FTCDNL1: variants seen among roughly 807,000 people sequenced by gnomAD.
The protein encoded by FTCDNL1 is formiminotransferase cyclodeaminase N-terminal like.
A neutral mutation model predicts 5.9 loss-of-function variants in FTCDNL1; 11 were observed. The observed-to-expected ratio is 1.87, with a 90% CI of 1.18 to 3.10. The LOEUF is 3.10. Ranked by LOEUF, FTCDNL1 falls within the 30% of genes most tolerant of loss-of-function variation. The probability of loss-of-function intolerance (pLI) is 0.00; values close to 1 mark genes in which losing one functional copy is unlikely to be tolerated. For synonymous variants in FTCDNL1, 58 were observed against 24.8 expected (o/e 2.34, Z -3.99); for missense variants, 115 against 65.5 (o/e 1.76, Z -2.61).
intron 4 of FTCDNL1, among the ~76,000 whole-genome samples, chr2:199,814,042 A>G (rs1701206323): frequency 6.6e-6 from 1 of 152,140 alleles, no homozygotes; most frequent in South Asian, 2.1e-4. Context: ...CCTAGCCTAA[A>G]TGTGGACTTT....
At chr2:199,705,180 C>T in the FTCDNL1 span, among the ~76,000 whole-genome samples, 193 of 152,178 alleles carry the variant, frequency 1.3e-3, 1 homozygote, top group African/African-American at 4.5e-3. Context: ...TGTTGATAGA[C>T]TAGATATGTG....
At chr2:199,676,587 C>T in the FTCDNL1 span, among the ~76,000 whole-genome samples, 1 of 151,584 alleles carries the variant, frequency 6.6e-6, no homozygotes, top group African/African-American at 2.4e-5. Context: ...ATATATATAA[C>T]AAAACATGCA....
chr2:199,765,135 G>T (rs963932743), intron 3 of FTCDNL1, among the ~76,000 whole-genome samples: 1 of 152,082 alleles, frequency 6.6e-6, no homozygotes, highest in Non-Finnish European at 1.5e-5. Flanking sequence ...TGATTTTTAG[G>T]TAAGTAAAAC....
chr2:199,742,165 T>A, the FTCDNL1 span, among the ~76,000 whole-genome samples: 1 of 152,252 alleles, frequency 6.6e-6, no homozygotes, highest in African/African-American at 2.4e-5. Flanking sequence ...TGTGTTCATC[T>A]GATCCCCTCC....
chr2:199,800,863 C>CA (rs1307867119), intron 3 of FTCDNL1, among the ~76,000 whole-genome samples: 1 of 152,098 alleles, frequency 6.6e-6, no homozygotes, highest in Non-Finnish European at 1.5e-5. Context: ...ATGATTATCA[C>CA]AAAAAATGAA....
In FTCDNL1 at chr2:199,829,269, A is replaced by G. The variant is rs1365336213; in HGVS notation, c.212-9512T>C. On this transcript the variant is annotated intron_variant, in intron 3 of 4. Coordinates refer to ENST00000420128, the MANE Select transcript of FTCDNL1 (RefSeq NM_001363886.2). The stretch of plus-strand genomic sequence containing the variant: ...TGCCCTTCCCAATTTCTCTGGTCGT[A>G]TTCTAAAAGGGTTGATTTAAGGAAA... Among the ~76,000 whole-genome samples the G allele has an allele frequency of 2.6e-5, 4 of 152,242 alleles. No individual in the cohort carries two copies. In the East Asian group the frequency reaches 7.7e-4, roughly 29 times the overall value.
intron 4 of FTCDNL1, among the ~76,000 whole-genome samples, chr2:199,817,830 GA>G (rs1377545306): frequency 6.6e-6 from 1 of 151,898 alleles, no homozygotes; most frequent in Non-Finnish European, 1.5e-5. Flanking sequence ...AATAGATAAT[GA>G]TGAGGCAGAG....
In FTCDNL1 at chr2:199,796,099, A is replaced by G. The variant is rs562127668; in HGVS notation, c.212-35264T>C. Among the ~76,000 whole-genome samples, 21 of 152,298 alleles carry G rather than the reference A, an allele frequency of 1.4e-4. No individual in the cohort carries two copies. In the South Asian group the frequency reaches 4.4e-3, roughly 32 times the overall value. Reference sequence around the variant, plus strand: ...GATACCAACTATGTCTTCTAGAGATATATGTTATTGAAAAAAATACAATAG... The same window carrying G: ...GATACCAACTATGTCTTCTAGAGATGTATGTTATTGAAAAAAATACAATAG... On this transcript the variant is annotated intron_variant, in intron 3 of 3. Transcript: ENST00000416668.
the FTCDNL1 span, among the ~76,000 whole-genome samples, chr2:199,752,627 A>G: frequency 1.3e-5 from 2 of 152,086 alleles, no homozygotes; most frequent in Non-Finnish European, 2.9e-5. Context: ...AACCTGCAGA[A>G]TTTGGACTTG....
At chr2:199,799,113 T>C (rs1291564538) in intron 3 of FTCDNL1, among the ~76,000 whole-genome samples, 1 of 152,148 alleles carries the variant, frequency 6.6e-6, no homozygotes, top group Non-Finnish European at 1.5e-5. Context: ...TTGGCCCCTT[T>C]CCAATGGCAG....
At chr2:199,753,567 G>A in the FTCDNL1 span, among the ~76,000 whole-genome samples, 1 of 152,196 alleles carries the variant, frequency 6.6e-6, no homozygotes, top group Admixed American at 6.5e-5. Context: ...ATACACATGG[G>A]GAGCCCAATG....
chr2:199,748,900 C>G, the FTCDNL1 span, among the ~76,000 whole-genome samples: 5 of 152,150 alleles, frequency 3.3e-5, no homozygotes, highest in Admixed American at 6.5e-5. Context: ...CTGCCCCCTT[C>G]CTGCTCACCT....
intron 3 of FTCDNL1, among the ~76,000 whole-genome samples, chr2:199,836,296 C>G (rs747745877): frequency 2.6e-5 from 4 of 152,120 alleles, no homozygotes; most frequent in African/African-American, 4.8e-5. Flanking sequence ...TCCCAAGTAA[C>G]TAAGACTACA....
intron 1 of FTCDNL1, 119 bp downstream of exon 1, chr2:199,850,621 T>A (rs529040450): frequency 2.0e-5 from 3 of 152,340 alleles, no homozygotes; most frequent in Non-Finnish European, 4.4e-5. Flanking sequence ...TCCCAGCTCA[T>A]CCTTCAATTA....
At chr2:199,830,005 T>C (rs894629023) in intron 3 of FTCDNL1, among the ~76,000 whole-genome samples, 5 of 151,954 alleles carry the variant, frequency 3.3e-5, no homozygotes, top group African/African-American at 1.2e-4. Context: ...AAAAAGAGCA[T>C]TTTCCAACCC....
At chr2:199,722,498 C>A in the FTCDNL1 span, among the ~76,000 whole-genome samples, 40 of 152,102 alleles carry the variant, frequency 2.6e-4, no homozygotes, top group African/African-American at 9.4e-4. Flanking sequence ...GTTTTTGTAC[C>A]AGTACCATGC....
the FTCDNL1 span, among the ~76,000 whole-genome samples, chr2:199,739,259 A>T: frequency 1.3e-4 from 19 of 151,998 alleles, no homozygotes; most frequent in African/African-American, 4.6e-4. Flanking sequence ...TGGAGAGGAG[A>T]TAGCCCTTCC....
chr2:199,701,787 C>A, the FTCDNL1 span, among the ~76,000 whole-genome samples: 1 of 152,296 alleles, frequency 6.6e-6, no homozygotes, highest in Middle Eastern at 3.4e-3. Flanking sequence ...GTAATCCCAA[C>A]ACTTTGGGAG....
chr2:199,770,405 G>A (rs758453501), intron 3 of FTCDNL1, among the ~76,000 whole-genome samples: 1 of 152,224 alleles, frequency 6.6e-6, no homozygotes, highest in Non-Finnish European at 1.5e-5. Context: ...TAGTCAGTGA[G>A]TGGCACATCT....
Sources: allele counts gnomAD v4.1 joint callset (sites outside exome capture counted in the v4.1 genomes callset), GRCh38; gene constraint gnomAD v4.1.1; transcripts MANE v1.5; gene names NCBI Gene and HGNC (gene_info 2026-07-23, HGNC 2026-07-21).